ZNF236: variants seen among roughly 807,000 people sequenced by gnomAD.
ZNF236 encodes zinc finger protein 236.
Under a neutral mutation model 191.2 loss-of-function variants are expected in ZNF236, and 50 were observed. That is an observed-to-expected ratio of 0.26 (90% CI 0.21 to 0.33). The LOEUF (loss-of-function observed/expected upper bound fraction) is 0.33, where lower values mean the gene tolerates loss of function less well. ZNF236 is among the 10% of genes least tolerant of loss of function. The pLI is 1.00. For synonymous variants in ZNF236, 907 were observed against 928.8 expected (o/e 0.98, Z 0.43); for missense variants, 1,754 against 2,374.5 (o/e 0.74, Z 5.43).
chr18:76,823,906 G>A (rs1398664253), intron 1 of ZNF236, among the ~76,000 whole-genome samples: 4 of 152,208 alleles, frequency 2.6e-5, no homozygotes, highest in East Asian at 1.9e-4. Context: ...TGCAGGCCTG[G>A]TCCCTGGTCC....
rs149686403 is a variant in ZNF236, at chr18:76,835,616, C to T, written c.55+12954C>T. 4.6e-5 allele frequency among the ~76,000 whole-genome samples: 7 copies of T among 152,170 alleles called. 1 individual carries two copies. In the East Asian group the frequency reaches 1.4e-3, roughly 29 times the overall value. ...TGTTGGTACACCTGCACCATGACTG[C>T]TTTGGTTAGTGTTCTATAGTATTTA... On this transcript the variant is annotated intron_variant, in intron 1 of 30. Coordinates refer to ENST00000320610, the MANE Select transcript of ZNF236 (RefSeq NM_001306089.2).
rs1290406453 is a variant in ZNF236 at position 76,968,212 on chromosome 18, C to T, written c.5420-3C>T. Reference sequence around the variant, plus strand: ...GCTTGTGTTTTCTTTGTCTGCATAACAGGAGCTCTGCAGGAGTCTGCAGGT... The same window carrying T: ...GCTTGTGTTTTCTTTGTCTGCATAATAGGAGCTCTGCAGGAGTCTGCAGGT... On this transcript the variant is annotated splice_region_variant and splice_polypyrimidine_tract_variant and intron_variant, in intron 30 of 30. Transcript: ENST00000320610. The T allele has an allele frequency of 1.2e-6, 2 of 1,613,902 alleles. No individual in the cohort carries two copies. The highest frequency in any genetic ancestry group is 1.7e-6 in the Non-Finnish European group (2 of 1,179,918).
At chr18:76,961,971 C>A (rs1169889251) in intron 30 of ZNF236, among the ~76,000 whole-genome samples, 1 of 151,772 alleles carries the variant, frequency 6.6e-6, no homozygotes, top group Non-Finnish European at 1.5e-5. Context: ...GGATATTAGT[C>A]CTTTTCAGAT....
At chr18:76,951,341 CCTT>C (rs1968402930) in intron 27 of ZNF236, among the ~76,000 whole-genome samples, 1 of 152,180 alleles carries the variant, frequency 6.6e-6, no homozygotes, top group Non-Finnish European at 1.5e-5. Flanking sequence ...AATGGAGTGA[CCTT>C]CATCGATGCT....
chr18:76,916,338 G>A (rs552987901), intron 19 of ZNF236, among the ~76,000 whole-genome samples: 3 of 152,314 alleles, frequency 2.0e-5, no homozygotes, highest in South Asian at 4.1e-4. Context: ...TGATGGATGT[G>A]CAGCTAGTAT....
chr18:76,910,854 G>A, intron 16 of ZNF236, 43 bp downstream of exon 16: 1 of 1,595,478 alleles, frequency 6.3e-7, no homozygotes, highest in Non-Finnish European at 8.5e-7. Flanking sequence ...GTATTTAGCA[G>A]GTGCTATGTT....
intron 30 of ZNF236, among the ~76,000 whole-genome samples, chr18:76,967,695 G>C (rs986098622): frequency 3.4e-5 from 4 of 117,964 alleles, no homozygotes; most frequent in African/African-American, 9.4e-5. Flanking sequence ...TGATCTGTGA[G>C]ATTTGTGATT....
Position 76,968,636 on chromosome 18 carries a change from T to C in ZNF236, c.*297T>C. ...GTGTCTAGTTCACGAAGCAATTAAC[T>C]GGGTCTTACTATCATTGTAGTGTGA... On this transcript the variant is annotated 3_prime_UTR_variant, in exon 31 of 31. Transcript: ENST00000320610. The C allele has an allele frequency of 8.9e-7, 1 of 1,129,624 alleles. No homozygotes were observed. The allele number at this position is 1,129,624 out of a possible 1,614,324, so 70.0% of individuals were successfully genotyped here. A position where few individuals can be genotyped will look rare whatever the true frequency, so the allele number is the denominator to read the frequency against.
intron 5 of ZNF236, among the ~76,000 whole-genome samples, chr18:76,873,514 G>T (rs1976633430): frequency 6.6e-6 from 1 of 152,162 alleles, no homozygotes; most frequent in African/African-American, 2.4e-5. Flanking sequence ...ACAGGAGGCT[G>T]GCGGGCCCGG....
intron 7 of ZNF236, 147 bp downstream of exon 7, chr18:76,878,299 T>A (rs1284391011): frequency 1.4e-6 from 1 of 711,120 alleles, no homozygotes; most frequent in Non-Finnish European, 2.2e-6. Context: ...AGAATTAAAG[T>A]CAATCTTTTA....
chr18:76,950,614 ACTT>A (rs1243310601), intron 27 of ZNF236, among the ~76,000 whole-genome samples: 1 of 152,176 alleles, frequency 6.6e-6, no homozygotes, highest in Non-Finnish European at 1.5e-5. Flanking sequence ...ATCTGTAGTT[ACTT>A]CTTCTGCTGA....
chr18:76,943,904 G>T (rs573107429), intron 26 of ZNF236, among the ~76,000 whole-genome samples: 1 of 152,222 alleles, frequency 6.6e-6, no homozygotes, highest in African/African-American at 2.4e-5. Flanking sequence ...TGTATAGGCC[G>T]GTAAAATTAT....
intron 1 of ZNF236, among the ~76,000 whole-genome samples, chr18:76,828,169 T>G (rs1040663594): frequency 7.3e-6 from 1 of 136,114 alleles, no homozygotes; most frequent in African/African-American, 2.8e-5. Flanking sequence ...AGGGCTTTAC[T>G]TTTTTTTTTT....
At chr18:76,914,857 T>C (rs1967314282) in intron 18 of ZNF236, among the ~76,000 whole-genome samples, 1 of 151,886 alleles carries the variant, frequency 6.6e-6, no homozygotes, top group South Asian at 2.1e-4. Context: ...CATTATAAGT[T>C]TAATATCAAT....
intron 9 of ZNF236, 101 bp downstream of exon 9, chr18:76,881,613 T>C: frequency 1.9e-6 from 2 of 1,053,742 alleles, no homozygotes; most frequent in Non-Finnish European, 2.7e-6. Flanking sequence ...ATAGGATATG[T>C]TTGTTGAATG....
In ZNF236 at chr18:76,844,508, T is replaced by C. The variant is rs577371144; in HGVS notation, c.56-5018T>C. Among the ~76,000 whole-genome samples, 20 of 152,304 alleles carry C rather than the reference T, an allele frequency of 1.3e-4. No individual in the cohort carries two copies. In the South Asian group the frequency reaches 4.1e-3, roughly 32 times the overall value. ...CAACCATATGTTAGAACGATTTTTA[T>C]TCAAAATGTAAAAACAAAAACATAA... On this transcript the variant is annotated intron_variant, in intron 1 of 30. Coordinates refer to ENST00000320610, the MANE Select transcript of ZNF236 (RefSeq NM_001306089.2).
chr18:76,912,302 C>T lies in ZNF236; in HGVS notation c.2864C>T (p.Ser955Phe). ...GAACTGGACCTGCAGGCACAAGGTT[C>T]CCAGTTTCTGGAGGACAACGAGGAC... is the stretch of plus-strand genomic sequence containing the variant. The part of the protein sequence containing the change: ...QEELDLQAQG[S>F]QFLEDNEDQS... Residue 955 changes from serine to phenylalanine, a missense_variant, in exon 17 of 31, where the codon TCC becomes TTC. Ser to Phe is a radical substitution (Grantham distance 155). Transcript: ENST00000320610. 1 of 1,614,196 alleles carries T rather than the reference C, an allele frequency of 6.2e-7. No individual in the cohort carries two copies. Among genetic ancestry groups the T allele is most frequent in the Middle Eastern group, 1.7e-4 (1 of 6,058 alleles).
At chr18:76,878,944 T>C (rs897249930) in intron 7 of ZNF236, among the ~76,000 whole-genome samples, 1 of 152,206 alleles carries the variant, frequency 6.6e-6, no homozygotes, top group Admixed American at 6.5e-5. Context: ...TCTTTTCTTT[T>C]TTCATAATAT....
chr18:76,899,415 T>C (rs1239551308), intron 11 of ZNF236, among the ~76,000 whole-genome samples, 193 bp downstream of exon 11: 1 of 152,254 alleles, frequency 6.6e-6, no homozygotes, highest in Non-Finnish European at 1.5e-5. Context: ...ATCTAAGTTG[T>C]ATCCAAACTA....
Sources: gnomAD v4.1 joint callset for allele counts (sites outside exome capture counted in the v4.1 genomes callset) on GRCh38, gnomAD v4.1.1 for gene constraint, MANE v1.5 for transcripts, NCBI Gene and HGNC (gene_info 2026-07-23, HGNC 2026-07-21) for gene names.